ILK: variants seen among roughly 807,000 people sequenced by gnomAD.
The protein encoded by ILK is scaffold protein ILK.
A neutral mutation model predicts 57.8 loss-of-function variants in ILK; 37 were observed. That is an observed-to-expected ratio of 0.64 (90% CI 0.49 to 0.84). The LOEUF is 0.84. Among genes scored for constraint, ILK ranks in the 40% least tolerant of loss-of-function variants. The pLI is 0.00. For synonymous variants in ILK, 231 were observed against 202.2 expected (o/e 1.14, Z -1.21); for missense variants, 528 against 595.7 (o/e 0.89, Z 1.18).
In ILK at chr11:6,608,618, T is replaced by C; in HGVS notation, c.352-76T>C. ...ACACTTACAGGATTAAGTTCTACAT[T>C]TGTGCATTCATGGTTGGTTCAGTGA... On this transcript the variant is annotated intron_variant, in intron 4 of 12. Coordinates refer to ENST00000299421, the MANE Select transcript of ILK (RefSeq NM_004517.4). This position sits in a 1 kb window ranked among gnomAD's most constrained non-coding sequence, Gnocchi z 4.9. 7.3e-7 allele frequency: 1 copy of C among 1,378,146 alleles called. No homozygotes were observed. Among genetic ancestry groups the C allele is most frequent in the South Asian group, 1.2e-5 (1 of 86,234 alleles). The allele number at this position is 1,378,146 out of a possible 1,614,324, so 85.4% of individuals were successfully genotyped here.
intron 7 of ILK, 25 bp downstream of exon 7, chr11:6,609,181 C>T: frequency 6.2e-7 from 1 of 1,604,678 alleles, no homozygotes; most frequent in Non-Finnish European, 8.5e-7. Context: ...TCTTGCCCTT[C>T]CCTCACTAAA....
Position 6,608,298 on chromosome 11 carries a change from G to C in ILK, c.255+87G>C. The stretch of plus-strand genomic sequence containing the variant: ...CTGTAACATACAGTAGAAAGCATGT[G>C]TGCTCTTCCCCCTTTTCCCATGCCC... On this transcript the variant is annotated intron_variant, in intron 3 of 12. Transcript: ENST00000299421. The surrounding 1 kb of genome is among the most constrained non-coding windows in gnomAD (Gnocchi z 4.9). 5 of 1,572,768 alleles carry C rather than the reference G, an allele frequency of 3.2e-6. No individual in the cohort carries two copies. The highest frequency in any genetic ancestry group is 4.4e-6 in the Non-Finnish European group (5 of 1,142,408).
rs761245686 is a variant in ILK at position 6,610,136 on chromosome 11, C to G, written c.1079-12C>G. The G allele has an allele frequency of 1.2e-6, 2 of 1,614,086 alleles. No individual in the cohort carries two copies. The highest frequency in any genetic ancestry group is 1.3e-5 in the African/African-American group (1 of 74,934). ...GCAAGGGGGCCAGAACAGACAAGCC[C>G]TATCTCTCCAGCTCTGCAGAAGAAG... On this transcript the variant is annotated splice_polypyrimidine_tract_variant and intron_variant, in intron 11 of 12. Coordinates refer to ENST00000299421, the MANE Select transcript of ILK (RefSeq NM_004517.4).
rs1564848644 is a variant in ILK at position 6,609,752 on chromosome 11, GA to G, written c.887del (p.Lys296SerfsTer16). 1 of 1,614,224 alleles carries G rather than the reference GA, an allele frequency of 6.2e-7. No individual in the cohort carries two copies. ...NFVVDQSQAV[K>X]FALDMARGMA... ...TCGTCGTGGACCAGAGCCAGGCTGTGAAGTTTGCTTTGGACATGGCAAGGGG... is the reference window on the plus strand; with the variant it reads ...TCGTCGTGGACCAGAGCCAGGCTGTGAGTTTGCTTTGGACATGGCAAGGGG... On this transcript the variant is annotated frameshift_variant, in exon 10 of 13. Transcript: ENST00000299421. LOFTEE classifies it high-confidence loss of function.
intron 1 of ILK, 128 bp downstream of exon 1, chr11:6,603,950 C>G (rs538147711): frequency 5.7e-5 from 29 of 509,074 alleles, no homozygotes; most frequent in African/African-American, 5.2e-4. Flanking sequence ...TGAACCTCCC[C>G]ACTTCCCCCA....
At chr11:6,610,415 C>A in intron 12 of ILK, 47 bp from the exon 13 acceptor site, 1 of 1,614,018 alleles carries the variant, frequency 6.2e-7, no homozygotes, top group African/African-American at 1.3e-5. Context: ...CTTCTCTCTA[C>A]ATGACAGACT....
At chr11:6,604,381 G>T in intron 2 of ILK, 21 bp downstream of exon 2, 1 of 1,586,960 alleles carries the variant, frequency 6.3e-7, no homozygotes, top group Non-Finnish European at 8.6e-7. Flanking sequence ...ACGGTTGGTG[G>T]ATGAGAGGAA....
intron 2 of ILK, chr11:6,607,789 A>C: frequency 2.0e-6 from 1 of 511,216 alleles, no homozygotes; most frequent in Non-Finnish European, 3.6e-6. Context: ...ACTACCACCT[A>C]AGGAAATGAG....
chr11:6,609,995 T>C lies in ILK; in HGVS notation c.1038T>C (p.Cys346=). The C allele has an allele frequency of 1.2e-6, 2 of 1,614,220 alleles. No individual in the cohort carries two copies. The highest frequency in any genetic ancestry group is 1.7e-6 in the Non-Finnish European group (2 of 1,180,046). ...SMADVKFSFQ[C]PGRMYAPAWV... is the part of the protein sequence containing the mutation. ...CTGATGTCAAGTTCTCTTTCCAATG[T>C]CCTGGTCGCATGTATGCACCTGCCT... Residue 346 remains cysteine, a synonymous_variant, in exon 11 of 13, where the codon TGT becomes TGC. Transcript: ENST00000299421.
intron 7 of ILK, 49 bp downstream of exon 7, chr11:6,609,205 C>T: frequency 1.9e-6 from 3 of 1,600,304 alleles, no homozygotes; most frequent in Non-Finnish European, 2.6e-6. Context: ...CCATAAATTA[C>T]TTGCTTTGTA....
chr11:6,608,324 T>C lies in ILK; in HGVS notation c.256-70T>C. 6 of 1,572,534 alleles carry C rather than the reference T, an allele frequency of 3.8e-6. No homozygotes were observed. Among genetic ancestry groups the C allele is most frequent in the Non-Finnish European group, 4.4e-6 (5 of 1,142,300 alleles). Reference sequence around the variant, plus strand: ...TGCTCTTCCCCCTTTTCCCATGCCCTGACACCAGTATCTCATTTGGAACTG... The same window carrying C: ...TGCTCTTCCCCCTTTTCCCATGCCCCGACACCAGTATCTCATTTGGAACTG... On this transcript the variant is annotated intron_variant, in intron 3 of 12. Transcript: ENST00000299421. The surrounding 1 kb of genome is among the most constrained non-coding windows in gnomAD (Gnocchi z 4.9).
At chr11:6,604,119 C>A in intron 1 of ILK, 61 bp from the exon 2 acceptor site, 1 of 714,156 alleles carries the variant, frequency 1.4e-6, no homozygotes, top group Non-Finnish European at 2.5e-6. Context: ...TCACAGACCC[C>A]CACTAGCCGG....
Position 6,609,836 on chromosome 11 carries a change from T to C in ILK, c.969T>C (p.Arg323=), listed in dbSNP as rs1383782529. 2.5e-6 allele frequency: 4 copies of C among 1,614,134 alleles called. No individual in the cohort carries two copies. Among genetic ancestry groups the C allele is most frequent in the Admixed American group, 1.7e-5 (1 of 60,016 alleles). ...TCCCACGACATGCACTCAATAGCCG[T>C]AGTGTAATGGTGAGGCCACAAGCTC... ...PLIPRHALNS[R]SVMIDEDMTA... Residue 323 remains arginine (R), a synonymous_variant, in exon 10 of 13, where the codon CGT becomes CGC. Transcript: ENST00000299421.
Position 6,608,731 on chromosome 11 carries a change from A to G in ILK, c.389A>G (p.Asn130Ser). ...VANGALVSIC[N>S]KYGEMPVDKA... Reference sequence around the variant, plus strand: ...AATGGGGCCCTTGTCAGCATCTGTAACAAGTATGGAGAGATGCCTGTGGAC... The same window carrying G: ...AATGGGGCCCTTGTCAGCATCTGTAGCAAGTATGGAGAGATGCCTGTGGAC... The change falls in exon 5 of 13, where the codon AAC becomes AGC. Residue 130 changes from asparagine to serine, a missense_variant. Asn to Ser is a conservative substitution (Grantham distance 46, BLOSUM62 1). Coordinates refer to ENST00000299421, the MANE Select transcript of ILK (RefSeq NM_004517.4). The surrounding 1 kb of genome is among the most constrained non-coding windows in gnomAD (Gnocchi z 4.9). 6.2e-7 allele frequency: 1 copy of G among 1,614,148 alleles called. No homozygotes were observed. Among genetic ancestry groups the G allele is most frequent in the Admixed American group, 1.7e-5 (1 of 60,024 alleles).
At chr11:6,607,768 A>C (rs976991712) in intron 2 of ILK, 15 of 477,686 alleles carry the variant, frequency 3.1e-5, no homozygotes, top group African/African-American at 7.8e-5. Context: ...AAGAGAAACC[A>C]GGGGAAGAGC....
In ILK at chr11:6,610,526, T is replaced by C; in HGVS notation, c.1274T>C (p.Met425Thr). 1 of 1,614,234 alleles carries C rather than the reference T, an allele frequency of 6.2e-7. No individual in the cohort carries two copies. Among genetic ancestry groups the C allele is most frequent in the Non-Finnish European group, 8.5e-7 (1 of 1,180,032 alleles). Residue 425 changes from methionine (M) to threonine (T), a missense_variant, in exon 13 of 13, where the codon ATG (methionine) becomes ACG (threonine). Transcript: ENST00000299421. ...ATTTCCCCTCATGTGTGTAAGCTCATGAAGATCTGCATGAATGAAGACCCT... is the reference window on the plus strand; with the variant it reads ...ATTTCCCCTCATGTGTGTAAGCTCACGAAGATCTGCATGAATGAAGACCCT... ...PGISPHVCKL[M>T]KICMNEDPAK...
rs780486336 is a variant in ILK, at chr11:6,610,229, C to T, written c.1160C>T (p.Thr387Ile). Residue 387 changes from threonine (T) to isoleucine (I), a missense_variant, in exon 12 of 13, where the codon ACA (threonine) becomes ATA (isoleucine). Thr to Ile is a moderately conservative substitution (Grantham distance 89). Coordinates refer to ENST00000299421, the MANE Select transcript of ILK (RefSeq NM_004517.4). ...GCAGTGCTTCTGTGGGAACTGGTGA[C>T]ACGGGAGGTACCCTTTGCTGACCTC... ...SFAVLLWELV[T>I]REVPFADLSN... is the part of the protein sequence containing the mutation. 2 of 1,614,246 alleles carry T rather than the reference C, an allele frequency of 1.2e-6. No individual in the cohort carries two copies. Among genetic ancestry groups the T allele is most frequent in the Non-Finnish European group, 1.7e-6 (2 of 1,180,044 alleles).
rs749671754 is a variant in ILK at position 6,610,005 on chromosome 11, A to C, written c.1048A>C (p.Met350Leu). 9.3e-6 allele frequency: 15 copies of C among 1,614,058 alleles called. No homozygotes were observed. Among genetic ancestry groups the C allele is most frequent in the Non-Finnish European group, 1.2e-5 (14 of 1,180,038 alleles). ...GTTCTCTTTCCAATGTCCTGGTCGC[A>C]TGTATGCACCTGCCTGGGTAGCCCC... ...VKFSFQCPGR[M>L]YAPAWVAPEA... The change falls in exon 11 of 13, where the codon ATG becomes CTG. Residue 350 changes from methionine to leucine, a missense_variant. Transcript: ENST00000299421.
chr11:6,607,669 A>C (rs980092767), intron 2 of ILK: 1 of 320,860 alleles, frequency 3.1e-6, no homozygotes, highest in East Asian at 8.0e-5. Context: ...ACAGATTTTT[A>C]CAATCCAGTG....
Sources: gnomAD v4.1 joint callset for allele counts on GRCh38, gnomAD v4.1.1 for gene constraint, Gnocchi (gnomAD v3.1) non-coding constraint, MANE v1.5 for transcripts, NCBI Gene and HGNC (gene_info 2026-07-23, HGNC 2026-07-21) for gene names.